Variants in UBR7 observed in about 807,000 individuals in gnomAD.
UBR7 encodes the protein putative E3 ubiquitin-protein ligase UBR7.
In UBR7, 22 loss-of-function variants were observed where a neutral mutation model predicts 57.0. The ratio of observed to expected loss-of-function variants is 0.39; its 90% CI spans 0.28 to 0.55. The LOEUF is 0.55. UBR7 is among the 20% of genes least tolerant of loss of function. The pLI is 0.69. For missense variants in UBR7, 395 were observed against 513.2 expected (o/e 0.77, Z 2.23); for synonymous variants, 167 against 179.8 (o/e 0.93, Z 0.57).
chr14:93,211,378 C>T (rs995387343), intron 3 of UBR7, among the ~76,000 whole-genome samples: 67 of 150,916 alleles, frequency 4.4e-4, no homozygotes, highest in African/African-American at 1.2e-3. Flanking sequence ...GAAACCCCCC[C>T]GTACTAAAAA....
chr14:93,223,806 G>C (rs1353501160), intron 10 of UBR7: 2 of 742,552 alleles, frequency 2.7e-6, no homozygotes, highest in African/African-American at 3.4e-5. Context: ...TAGACCTCTC[G>C]GTAGCACTGG....
chr14:93,222,258 T>C, intron 9 of UBR7, 55 bp from the exon 10 acceptor site: 1 of 1,331,136 alleles, frequency 7.5e-7, no homozygotes, highest in Non-Finnish European at 1.1e-6. Context: ...GAATATTTTG[T>C]TTTTGAAAGC....
intron 1 of UBR7, 68 bp downstream of exon 1, chr14:93,207,509 C>T: frequency 3.4e-6 from 5 of 1,471,264 alleles, no homozygotes; most frequent in Non-Finnish European, 4.5e-6. Flanking sequence ...GCCCGGCTGT[C>T]CCTATTCCCG....
At chr14:93,216,492 G>C (rs921885220) in intron 6 of UBR7, among the ~76,000 whole-genome samples, 2 of 152,098 alleles carry the variant, frequency 1.3e-5, no homozygotes, top group African/African-American at 4.8e-5. Context: ...TGCTGCTTAG[G>C]CTTCATAATT....
chr14:93,218,764 A>C (rs1252982421), intron 7 of UBR7, 29 bp downstream of exon 7: 1 of 1,606,348 alleles, frequency 6.2e-7, no homozygotes, highest in Admixed American at 1.7e-5. Context: ...GCCATCAAGA[A>C]ATAAGACTGG....
At chr14:93,215,324 G>C in intron 6 of UBR7, 43 bp downstream of exon 6, 2 of 1,492,450 alleles carry the variant, frequency 1.3e-6, no homozygotes, top group Non-Finnish European at 1.8e-6. Context: ...ACTTGTGCTT[G>C]TGAAATTTGT....
intron 10 of UBR7, among the ~76,000 whole-genome samples, chr14:93,226,476 A>G (rs1266247341): frequency 6.6e-5 from 10 of 152,040 alleles, no homozygotes; most frequent in Non-Finnish European, 1.3e-4. Flanking sequence ...GAGACCTCGT[A>G]TCTACACAAA....
At chr14:93,226,809 AAAAAT>A in intron 10 of UBR7, 129 bp from the exon 11 acceptor site, 1 of 481,734 alleles carries the variant, frequency 2.1e-6, no homozygotes, top group Non-Finnish European at 3.6e-6. Context: ...AAAAAAAAAA[AAAAAT>A]AGAAAATGGA....
In UBR7 at chr14:93,218,675, G is replaced by A; in HGVS notation, c.750G>A (p.Glu250=). ...VPEQGKDDVR[E]VKVEQNSEPC... is the part of the protein sequence containing the mutation. ...AACAGGGAAAGGATGATGTCCGGGA[G>A]GTTAAAGTAGAGCAGAACAGTGAAC... The change falls in exon 7 of 11, where the codon GAG becomes GAA. Residue 250 remains glutamate (E), a synonymous_variant. Coordinates refer to ENST00000013070, the MANE Select transcript of UBR7 (RefSeq NM_175748.4). The A allele has an allele frequency of 6.2e-7, 1 of 1,614,140 alleles. No homozygotes were observed. The highest frequency in any genetic ancestry group is 1.1e-5 in the South Asian group (1 of 91,084).
At chr14:93,212,390 A>C (rs1402126001) in intron 4 of UBR7, among the ~76,000 whole-genome samples, 1 of 152,132 alleles carries the variant, frequency 6.6e-6, no homozygotes, top group East Asian at 1.9e-4. Context: ...TCCTTCCCTG[A>C]CTGCCTCCCC....
chr14:93,207,302 C>A lies in UBR7; in HGVS notation c.11C>A (p.Ala4Asp). The A allele has an allele frequency of 3.2e-6, 5 of 1,555,510 alleles. No individual in the cohort carries two copies. The highest frequency in any genetic ancestry group is 8.7e-7 in the Non-Finnish European group (1 of 1,149,314). The change falls in exon 1 of 11, where the codon GCC becomes GAC. Residue 4 changes from alanine (A) to aspartate (D), a missense_variant. Physicochemically the swap from Ala to Asp is moderately radical, Grantham distance 126 (BLOSUM62 -2). Transcript: ENST00000013070. MAG[A>D]EGAAGRQSEL... ...GGCTGACAGTTGAGGATGGCCGGAG[C>A]CGAGGGCGCCGCTGGGCGGCAGTCG... is the stretch of plus-strand genomic sequence containing the variant.
Position 93,215,261 on chromosome 14 carries a change from C to A in UBR7, c.581C>A (p.Ala194Asp). 6.3e-7 allele frequency: 1 copy of A among 1,581,900 alleles called. No homozygotes were observed. ...ATGAAACGTTGTTCTTTTTTGTGGG[C>A]TTATGCTGCACAATTGGCAGGTAGG... ...ACMKRCSFLWAYAAQLAVTKI... is the reference protein window; with the variant it reads ...ACMKRCSFLWDYAAQLAVTKI... The change falls in exon 6 of 11, where the codon GCT becomes GAT. Residue 194 changes from alanine (A) to aspartate (D), a missense_variant. Coordinates refer to ENST00000013070, the MANE Select transcript of UBR7 (RefSeq NM_175748.4).
intron 1 of UBR7, among the ~76,000 whole-genome samples, chr14:93,209,365 C>T (rs1354931171): frequency 6.6e-6 from 1 of 152,140 alleles, no homozygotes; most frequent in Non-Finnish European, 1.5e-5. Flanking sequence ...TACATATGCT[C>T]CTGTGTTTTC....
chr14:93,227,850 C>T lies in UBR7; in HGVS notation c.*815C>T, dbSNP rs752259217. On this transcript the variant is annotated 3_prime_UTR_variant, in exon 11 of 11. Coordinates refer to ENST00000013070, the MANE Select transcript of UBR7 (RefSeq NM_175748.4). ...CTTCTCTGCTGCCTAGAAAACAGACCGGGTCTCACCCCTGTGAAATCTTGG... is the reference window on the plus strand; with the variant it reads ...CTTCTCTGCTGCCTAGAAAACAGACTGGGTCTCACCCCTGTGAAATCTTGG... 11 of 700,604 alleles carry T rather than the reference C, an allele frequency of 1.6e-5. No individual in the cohort carries two copies. Among genetic ancestry groups the T allele is most frequent in the East Asian group, 8.0e-5 (3 of 37,300 alleles). 43.4% of individuals were successfully genotyped at this position (700,604 alleles called of 1,614,324 possible). A position where few individuals can be genotyped will look rare whatever the true frequency, so the allele number is the denominator to read the frequency against.
chr14:93,227,197 T>A lies in UBR7; in HGVS notation c.*162T>A. 1 of 648,034 alleles carries A rather than the reference T, an allele frequency of 1.5e-6. No homozygotes were observed. The highest frequency in any genetic ancestry group is 3.1e-5 in the East Asian group (1 of 31,906). 40.1% of individuals were successfully genotyped at this position (648,034 alleles called of 1,614,324 possible). ...TTAGCTGCAGTAGCCACCGTGTGGA[T>A]GCTGACTTCACAGCCAGCGTCCTCT... is the stretch of plus-strand genomic sequence containing the variant. On this transcript the variant is annotated 3_prime_UTR_variant, in exon 11 of 11. Coordinates refer to ENST00000013070, the MANE Select transcript of UBR7 (RefSeq NM_175748.4).
At chr14:93,211,097 A>G (rs1894472446) in intron 3 of UBR7, among the ~76,000 whole-genome samples, 2 of 152,272 alleles carry the variant, frequency 1.3e-5, no homozygotes, top group East Asian at 3.9e-4. Context: ...TTAGCTGGGC[A>G]TGGTGGCACC....
rs2140111384 is a variant in UBR7, at chr14:93,227,560, C to T, written c.*525C>T. The T allele has an allele frequency of 4.3e-6, 3 of 699,748 alleles. No individual in the cohort carries two copies. The highest frequency in any genetic ancestry group is 7.8e-6 in the Non-Finnish European group (3 of 384,660). 43.3% of individuals were successfully genotyped at this position (699,748 alleles called of 1,614,324 possible). On this transcript the variant is annotated 3_prime_UTR_variant, in exon 11 of 11. Transcript: ENST00000013070. The stretch of plus-strand genomic sequence containing the variant: ...ACGTCCCTGTTTTCTGAGGTTTGGT[C>T]ATAGCTTAGAAAGGATCTTGGGGCT...
chr14:93,209,397 G>C (rs2140097287), intron 1 of UBR7, among the ~76,000 whole-genome samples: 1 of 152,264 alleles, frequency 6.6e-6, no homozygotes, highest in South Asian at 2.1e-4. Context: ...TGATTAAACA[G>C]ATCCATTTAT....
intron 1 of UBR7, 28 bp downstream of exon 1, chr14:93,207,469 C>T: frequency 6.6e-7 from 1 of 1,521,620 alleles, no homozygotes; most frequent in Non-Finnish European, 8.8e-7. Flanking sequence ...GCCTCCTCTC[C>T]CCCGGCTCCC....
Sources: gnomAD v4.1 joint callset for allele counts (sites outside exome capture counted in the v4.1 genomes callset) on GRCh38, gnomAD v4.1.1 for gene constraint, MANE v1.5 for transcripts, NCBI Gene and HGNC (gene_info 2026-07-23, HGNC 2026-07-21) for gene names.